Variants in ADRA1B observed in about 807,000 individuals in gnomAD.
ADRA1B encodes the protein adrenoceptor alpha 1B, also known as alpha-1B adrenergic receptor.
A neutral mutation model predicts 17.9 loss-of-function variants in ADRA1B; 17 were observed. The ratio of observed to expected loss-of-function variants is 0.95; its 90% CI spans 0.65 to 1.42. The LOEUF (loss-of-function observed/expected upper bound fraction) is 1.42. Ranked by LOEUF, ADRA1B falls within the 40% of genes most tolerant of loss-of-function variation. ADRA1B has a pLI of 0.00. For missense variants in ADRA1B, 681 were observed against 722.1 expected (o/e 0.94, Z 0.65); for synonymous variants, 366 against 327.6 (o/e 1.12, Z -1.27).
intron 1 of ADRA1B, among the ~76,000 whole-genome samples, chr5:159,967,765 C>T (rs190717844): frequency 1.1e-4 from 16 of 152,208 alleles, no homozygotes; most frequent in Admixed American, 4.6e-4. Context: ...AGCCCAAACC[C>T]AAAATGTGGC....
At chr5:159,895,812 G>A (rs923625722) in intron 1 of ADRA1B, among the ~76,000 whole-genome samples, 18 of 152,202 alleles carry the variant, frequency 1.2e-4, no homozygotes, top group African/African-American at 4.1e-4. Flanking sequence ...CCTGGAAGGC[G>A]TGGTCCAATT....
intron 1 of ADRA1B, among the ~76,000 whole-genome samples, chr5:159,899,874 T>C (rs1754083073): frequency 1.3e-5 from 2 of 152,206 alleles, no homozygotes; most frequent in African/African-American, 4.8e-5. Flanking sequence ...GAAATGACTG[T>C]TTTAGACCAC....
chr5:159,876,431 A>G (rs1217371209), intron 1 of ADRA1B, among the ~76,000 whole-genome samples: 1 of 152,178 alleles, frequency 6.6e-6, no homozygotes, highest in African/African-American at 2.4e-5. Context: ...TCCAGGAGCA[A>G]AATATTTTCA....
intron 1 of ADRA1B, among the ~76,000 whole-genome samples, chr5:159,943,085 A>G (rs1755177695): frequency 6.6e-6 from 1 of 152,006 alleles, no homozygotes; most frequent in South Asian, 2.1e-4. Context: ...GGTGGCGTGC[A>G]CTTGTATTCT....
chr5:159,944,860 C>T (rs909358982), intron 1 of ADRA1B, among the ~76,000 whole-genome samples: 4 of 151,966 alleles, frequency 2.6e-5, no homozygotes, highest in African/African-American at 7.3e-5. Flanking sequence ...ACTGCAGATA[C>T]AAGAGTGAAA....
chr5:159,917,603 C>A lies in ADRA1B; in HGVS notation c.698C>A (p.Thr233Asn). Reference protein sequence around the residue: ...YCRVYIVAKRTTKNLEAGVMK... With the variant: ...YCRVYIVAKRNTKNLEAGVMK... ...CGTGTCTATATAGTGGCCAAGAGAA[C>A]CACCAAGAACCTAGAGGCAGGAGTC... Residue 233 changes from threonine (T) to asparagine (N), a missense_variant, in exon 1 of 2, where the codon ACC (threonine) becomes AAC (asparagine). Coordinates refer to ENST00000306675, the MANE Select transcript of ADRA1B (RefSeq NM_000679.4). 6.2e-7 allele frequency: 1 copy of A among 1,614,062 alleles called. No homozygotes were observed. The highest frequency in any genetic ancestry group is 8.5e-7 in the Non-Finnish European group (1 of 1,180,004).
At chr5:159,980,501 T>C in the ADRA1B span, among the ~76,000 whole-genome samples, 1 of 152,106 alleles carries the variant, frequency 6.6e-6, no homozygotes, top group Non-Finnish European at 1.5e-5. Flanking sequence ...AGATGAGTAG[T>C]AGTACAGCCT....
rs1200793714 is a variant in ADRA1B at position 159,972,154 on chromosome 5, G to A, written c.1225G>A (p.Asp409Asn). ...GCAGTCGCGCAAGGACTCGCTGGAC[G>A]ACAGCGGCAGCTGCCTGAGCGGCAG... ...RSQSRKDSLD[D>N]SGSCLSGSQR... The change falls in exon 2 of 2, where the codon GAC becomes AAC. Residue 409 changes from aspartate to asparagine, a missense_variant. By Grantham distance (23) the Asp-to-Asn change is conservative. Around this residue, in one of 3 missense-constraint regions of ADRA1B, gnomAD observed 251 missense variants for 224.9 expected, o/e 1.12. Transcript: ENST00000306675. 2 of 1,360,120 alleles carry A rather than the reference G, an allele frequency of 1.5e-6. No homozygotes were observed. Among genetic ancestry groups the A allele is most frequent in the Non-Finnish European group, 9.6e-7 (1 of 1,047,066 alleles). The allele number at this position is 1,360,120 out of a possible 1,614,324, so 84.3% of individuals were successfully genotyped here.
At chr5:159,953,549 G>T (rs998775109) in intron 1 of ADRA1B, among the ~76,000 whole-genome samples, 7 of 152,176 alleles carry the variant, frequency 4.6e-5, no homozygotes, top group African/African-American at 9.7e-5. Flanking sequence ...CTGGGGTGTG[G>T]AAGGGCCAGT....
intron 1 of ADRA1B, among the ~76,000 whole-genome samples, chr5:159,928,167 G>A (rs1228130553): frequency 6.6e-6 from 1 of 152,100 alleles, no homozygotes; most frequent in Non-Finnish European, 1.5e-5. Context: ...AAAGAAGAGT[G>A]GGCTGAAATA....
At chr5:159,903,687 G>A (rs2113123637) in intron 1 of ADRA1B, among the ~76,000 whole-genome samples, 1 of 152,284 alleles carries the variant, frequency 6.6e-6, no homozygotes, top group South Asian at 2.1e-4. Flanking sequence ...TTCACACCCA[G>A]ACAGGCTCTC....
chr5:159,880,311 T>A (rs1363100576), intron 1 of ADRA1B, among the ~76,000 whole-genome samples: 3 of 152,104 alleles, frequency 2.0e-5, no homozygotes, highest in Non-Finnish European at 4.4e-5. Flanking sequence ...AAACATTCAT[T>A]TACTGAATTT....
chr5:159,987,457 A>T, the ADRA1B span, among the ~76,000 whole-genome samples: 1 of 152,306 alleles, frequency 6.6e-6, no homozygotes, highest in Middle Eastern at 3.4e-3. Flanking sequence ...AGCTCTTTAG[A>T]CACTGCAGTG....
intron 1 of ADRA1B, among the ~76,000 whole-genome samples, chr5:159,899,550 A>C (rs755074305): frequency 1.3e-5 from 2 of 152,068 alleles, no homozygotes; most frequent in African/African-American, 2.4e-5. Context: ...CCTGAGCAGG[A>C]CTCCTAAGTA....
At chr5:159,947,987 A>G in intron 1 of ADRA1B, 2 of 985,422 alleles carry the variant, frequency 2.0e-6, no homozygotes, top group Non-Finnish European at 2.4e-6. Flanking sequence ...AAGGGAATTG[A>G]TTTGATCAAT....
chr5:159,884,651 A>G (rs1753903888), intron 1 of ADRA1B, among the ~76,000 whole-genome samples: 1 of 152,198 alleles, frequency 6.6e-6, no homozygotes, highest in Non-Finnish European at 1.5e-5. Context: ...TTGTTTCTCC[A>G]AAAATGGGAG....
chr5:159,918,203 G>A (rs544615238), intron 1 of ADRA1B, among the ~76,000 whole-genome samples: 3 of 152,126 alleles, frequency 2.0e-5, no homozygotes, highest in Non-Finnish European at 2.9e-5. Flanking sequence ...ATGATGTGTC[G>A]GCTAAGGCAG....
chr5:159,909,535 G>A (rs1227989522), intron 1 of ADRA1B, among the ~76,000 whole-genome samples: 1 of 152,232 alleles, frequency 6.6e-6, no homozygotes, highest in Admixed American at 6.5e-5. Flanking sequence ...AAAGGATGGA[G>A]AAACTTGAGA....
chr5:159,872,194 T>C (rs1753749867), intron 1 of ADRA1B, among the ~76,000 whole-genome samples: 1 of 152,226 alleles, frequency 6.6e-6, no homozygotes, highest in Non-Finnish European at 1.5e-5. Context: ...CACTGGCTCG[T>C]CAACATTGTT....
Sources: allele counts gnomAD v4.1 joint callset (sites outside exome capture counted in the v4.1 genomes callset), GRCh38; gene constraint gnomAD v4.1.1; regional missense constraint gnomAD v4.1.1; transcripts MANE v1.5; gene names NCBI Gene and HGNC (gene_info 2026-07-23, HGNC 2026-07-21).